CFAP54: variants seen among roughly 807,000 people sequenced by gnomAD.
CFAP54 encodes the protein cilia- and flagella-associated protein 54.
CFAP54 carries 290 observed loss-of-function variants against 370.4 expected under a neutral mutation model. That is an observed-to-expected ratio of 0.78 (90% CI 0.71 to 0.86). The LOEUF (loss-of-function observed/expected upper bound fraction) is 0.86, where lower values mean the gene tolerates loss of function less well. Among genes scored for constraint, CFAP54 ranks in the 40% least tolerant of loss-of-function variants. The pLI is 0.00. For missense variants in CFAP54, 3,399 were observed against 3,528.7 expected (o/e 0.96, Z 0.93); for synonymous variants, 1,206 against 1,236.5 (o/e 0.98, Z 0.52).
chr12:96,619,973 A>G (rs570470488), intron 26 of CFAP54, among the ~76,000 whole-genome samples: 70 of 152,226 alleles, frequency 4.6e-4, no homozygotes, highest in Admixed American at 3.3e-4. Flanking sequence ...GGATTTTTAG[A>G]GACCCTGCCT....
chr12:96,838,639 A>G (rs1466172034), intron 66 of CFAP54, among the ~76,000 whole-genome samples: 1 of 152,126 alleles, frequency 6.6e-6, no homozygotes, highest in Non-Finnish European at 1.5e-5. Flanking sequence ...CATGAGGGAA[A>G]CAGCCCCTAT....
intron 17 of CFAP54, among the ~76,000 whole-genome samples, chr12:96,561,946 C>T (rs146201676): frequency 1.5e-3 from 233 of 151,578 alleles, no homozygotes; most frequent in African/African-American, 5.2e-3. Context: ...CCAACATGCC[C>T]GGCTAATTTT....
intron 67 of CFAP54, among the ~76,000 whole-genome samples, chr12:96,873,024 C>T (rs543121599): frequency 6.6e-6 from 1 of 152,168 alleles, no homozygotes; most frequent in Non-Finnish European, 1.5e-5. Context: ...TTAAGTGACC[C>T]ATTACAGTGA....
intron 26 of CFAP54, among the ~76,000 whole-genome samples, chr12:96,604,965 GGCCC>G (rs1956285494): frequency 6.6e-6 from 1 of 152,138 alleles, no homozygotes; most frequent in Non-Finnish European, 1.5e-5. Flanking sequence ...TGCTTTGGCT[GGCCC>G]TCCATGGGCT....
intron 2 of CFAP54, among the ~76,000 whole-genome samples, chr12:96,501,987 T>G (rs1032930402): frequency 9.2e-5 from 14 of 152,182 alleles, no homozygotes; most frequent in African/African-American, 3.4e-4. Context: ...TGACAAGAAT[T>G]ACAAGATAGC....
At chr12:96,496,313 C>A (rs1187908283) in intron 1 of CFAP54, among the ~76,000 whole-genome samples, 1 of 152,188 alleles carries the variant, frequency 6.6e-6, no homozygotes, top group Non-Finnish European at 1.5e-5. Flanking sequence ...ATCTTCAGTT[C>A]TTAAGTTTAT....
intron 66 of CFAP54, among the ~76,000 whole-genome samples, chr12:96,831,132 C>A (rs983215946): frequency 2.6e-5 from 4 of 152,116 alleles, no homozygotes; most frequent in South Asian, 4.1e-4. Flanking sequence ...GGTATTTATT[C>A]ATTTAGTCAG....
intron 67 of CFAP54, among the ~76,000 whole-genome samples, chr12:96,863,153 T>TTGGA (rs10537908): frequency 0.36 from 53,092 of 148,060 alleles, 10,002 homozygotes; most frequent in Non-Finnish European, 0.4. Flanking sequence ...TCTATATTTG[T>TTGGA]TGGATGGATG....
intron 26 of CFAP54, among the ~76,000 whole-genome samples, chr12:96,600,363 G>A (rs966134133): frequency 1.3e-5 from 2 of 152,100 alleles, no homozygotes; most frequent in African/African-American, 4.8e-5. Context: ...TTTGGTACCA[G>A]TACCATGCTG....
At chr12:96,511,379 C>T (rs148368734) in intron 4 of CFAP54, among the ~76,000 whole-genome samples, 1,680 of 152,238 alleles carry the variant, frequency 0.011, 26 homozygotes, top group African/African-American at 0.037. Flanking sequence ...AGTGCAATGG[C>T]GCAATCTTGG....
At chr12:96,835,594 C>A (rs550005704) in intron 66 of CFAP54, among the ~76,000 whole-genome samples, 1 of 152,144 alleles carries the variant, frequency 6.6e-6, no homozygotes, top group African/African-American at 2.4e-5. Flanking sequence ...GGAGCAGGTG[C>A]CAACAGCAAG....
chr12:96,558,989 G>A (rs976670522), intron 17 of CFAP54, among the ~76,000 whole-genome samples: 1 of 152,190 alleles, frequency 6.6e-6, no homozygotes, highest in Non-Finnish European at 1.5e-5. Flanking sequence ...TCAGAGGTGG[G>A]TGGATCACTT....
At chr12:96,832,347 A>G (rs765247749) in intron 66 of CFAP54, among the ~76,000 whole-genome samples, 18 of 151,850 alleles carry the variant, frequency 1.2e-4, no homozygotes, top group Non-Finnish European at 2.2e-4. Flanking sequence ...TATAATGTCA[A>G]TAGGCCTTGG....
At chr12:96,657,543 T>A (rs1175343304) in intron 36 of CFAP54, among the ~76,000 whole-genome samples, 1 of 152,208 alleles carries the variant, frequency 6.6e-6, no homozygotes, top group Non-Finnish European at 1.5e-5. Flanking sequence ...ATTAGCCATA[T>A]GTGGCTATTT....
chr12:96,680,776 T>C (rs1957260101), intron 40 of CFAP54, among the ~76,000 whole-genome samples: 1 of 152,098 alleles, frequency 6.6e-6, no homozygotes. Context: ...TTTTAATTGC[T>C]CCATACATTA....
chr12:96,849,674 A>T (rs1959478394), intron 66 of CFAP54, among the ~76,000 whole-genome samples: 1 of 152,176 alleles, frequency 6.6e-6, no homozygotes, highest in Admixed American at 6.5e-5. Flanking sequence ...ATAACCTTTA[A>T]CTCTGTAATG....
At chr12:96,676,481 C>G (rs1957210499) in intron 39 of CFAP54, among the ~76,000 whole-genome samples, 1 of 152,038 alleles carries the variant, frequency 6.6e-6, no homozygotes, top group Non-Finnish European at 1.5e-5. Context: ...GGAGGTGGGT[C>G]CTTTGGAGGA....
At chr12:96,644,142 C>T in intron 32 of CFAP54, 36 bp from the exon 33 acceptor site, 1 of 1,334,754 alleles carries the variant, frequency 7.5e-7, no homozygotes, top group Non-Finnish European at 1.0e-6. Context: ...TCTGAAAGTT[C>T]TTGTGTAATT....
At chr12:96,536,219 T>C (rs7957122) in intron 12 of CFAP54, among the ~76,000 whole-genome samples, 39,795 of 152,160 alleles carry the variant, frequency 0.26, 5,559 homozygotes, top group South Asian at 0.38. Context: ...TTTCTGTTCC[T>C]GTGTTAGTTT....
Sources: gnomAD v4.1 joint callset for allele counts (sites outside exome capture counted in the v4.1 genomes callset) on GRCh38, gnomAD v4.1.1 for gene constraint, MANE v1.5 for transcripts, NCBI Gene and HGNC (gene_info 2026-07-23, HGNC 2026-07-21) for gene names.